SLC6A16: variants seen among roughly 807,000 people sequenced by gnomAD.
The protein encoded by SLC6A16 is solute carrier family 6 member 16.
A neutral mutation model predicts 65.4 loss-of-function variants in SLC6A16; 54 were observed. That is an observed-to-expected ratio of 0.83 (90% confidence interval 0.66 to 1.04). The LOEUF (loss-of-function observed/expected upper bound fraction) is 1.04, where lower values mean the gene tolerates loss of function less well. Ranked by LOEUF, SLC6A16 falls within the 50% of genes least tolerant of loss-of-function variation. SLC6A16 has a pLI of 0.00. For missense variants in SLC6A16, 816 were observed against 914.0 expected (o/e 0.89, Z 1.38); for synonymous variants, 330 against 346.5 (o/e 0.95, Z 0.53).
intron 7 of SLC6A16, among the ~76,000 whole-genome samples, chr19:49,306,697 C>G (rs985411130): frequency 2.0e-5 from 3 of 151,954 alleles, no homozygotes; most frequent in Non-Finnish European, 2.9e-5. Flanking sequence ...TGTGTGCCAC[C>G]ACGCCCGGCT....
chr19:49,340,047 C>T, the SLC6A16 span: 3 of 1,499,816 alleles, frequency 2.0e-6, no homozygotes, highest in South Asian at 3.9e-5. Flanking sequence ...AGCCTCTACC[C>T]CCACTTGTAG....
chr19:49,310,535 T>C (rs1171856282), intron 2 of SLC6A16, 25 bp from the exon 3 acceptor site: 1 of 1,613,734 alleles, frequency 6.2e-7, no homozygotes, highest in South Asian at 1.1e-5. Flanking sequence ...CAGAAGGGAC[T>C]CTGAGAACCA....
chr19:49,293,280 A>T lies in SLC6A16; in HGVS notation c.1721T>A (p.Ile574Asn). The change falls in exon 10 of 12, where the codon ATC (isoleucine) becomes AAC (asparagine). Residue 574 changes from isoleucine to asparagine, a missense_variant. Coordinates refer to ENST00000335875, the MANE Select transcript of SLC6A16 (RefSeq NM_014037.3). Reference protein sequence around the residue: ...LLSDYWIVFPIIVVVVFETMA... With the variant: ...LLSDYWIVFPNIVVVVFETMA... ...GGTTTCAAATACGACAACGACGATG[A>T]TGGGGAAGACTATCCAGTAGTCACT... The T allele has an allele frequency of 1.9e-6, 3 of 1,614,140 alleles. No homozygotes were observed. Among genetic ancestry groups the T allele is most frequent in the Non-Finnish European group, 2.5e-6 (3 of 1,180,010 alleles).
chr19:49,340,253 C>T, the SLC6A16 span: 4 of 1,612,996 alleles, frequency 2.5e-6, no homozygotes, highest in Admixed American at 5.0e-5. Flanking sequence ...CTCTATAGCT[C>T]GGGTTCATGA....
chr19:49,329,596 G>A (rs1346888685), upstream of SLC6A16, among the ~76,000 whole-genome samples: 1 of 149,386 alleles, frequency 6.7e-6, no homozygotes, highest in Non-Finnish European at 1.5e-5. Flanking sequence ...TAGGATACTA[G>A]CCTGGGCAAC....
In SLC6A16 at chr19:49,310,499, C is replaced by T. The variant is rs1397517095; in HGVS notation, c.427G>A (p.Ala143Thr). Residue 143 changes from alanine to threonine, a missense_variant, in exon 3 of 12, where the codon GCC becomes ACC. Transcript: ENST00000335875. ...WLNSGGCSFA[A>T]IYIFMLFLVG... ...AGGAACAGCATGAAGATGTAGATGG[C>T]AGCGAAACTGCCTGTGAAGAAGATT... 3.7e-6 allele frequency: 6 copies of T among 1,614,020 alleles called. No individual in the cohort carries two copies. The highest frequency in any genetic ancestry group is 5.1e-6 in the Non-Finnish European group (6 of 1,180,006).
Position 49,290,315 on chromosome 19 carries a change from G to T in SLC6A16, c.2019C>A (p.Pro673=). 1 of 1,614,076 alleles carries T rather than the reference G, an allele frequency of 6.2e-7. No homozygotes were observed. The highest frequency in any genetic ancestry group is 1.1e-5 in the South Asian group (1 of 91,068). ...MITLFAIVIL[P]IPAYFVYCRI... ...GGCAGTATACAAAGTATGCAGGGAT[G>T]GGGAGGATGACAATGGCAAAAAGGG... Residue 673 remains proline (P), a synonymous_variant, in exon 12 of 12, where the codon CCC becomes CCA. Transcript: ENST00000335875.
chr19:49,307,540 A>ACTT (rs1165171060), intron 7 of SLC6A16, among the ~76,000 whole-genome samples: 1 of 151,982 alleles, frequency 6.6e-6, no homozygotes, highest in Non-Finnish European at 1.5e-5. Flanking sequence ...GGTTAGGGTT[A>ACTT]CTAGGAGAGG....
rs1970146190 is a variant in SLC6A16 at position 49,294,461 on chromosome 19, A to G, written c.1322T>C (p.Ile441Thr). ...AAGGCCACTGAGCCAGGCATTGTAG[A>G]TGGAGGTTGGGTTGTAAAGCAGGTT... ...PVNLLYNPTS[I>T]YNAWLSGLPQ... The change falls in exon 8 of 12, where the codon ATC (isoleucine) becomes ACC (threonine). Residue 441 changes from isoleucine to threonine, a missense_variant. Ile to Thr is a moderately conservative substitution (Grantham distance 89, BLOSUM62 -1). Transcript: ENST00000335875. 6.2e-7 allele frequency: 1 copy of G among 1,614,048 alleles called. No individual in the cohort carries two copies.
At chr19:49,338,749 T>A in the SLC6A16 span, 2 of 1,613,424 alleles carry the variant, frequency 1.2e-6, no homozygotes, top group Non-Finnish European at 1.7e-6. This position sits in a 1 kb window ranked among gnomAD's most constrained non-coding sequence, Gnocchi z 5.0. Context: ...CAAGTCCTCA[T>A]CCTGAGAGGT....
chr19:49,326,669 C>G (rs572056022), upstream of SLC6A16, among the ~76,000 whole-genome samples: 17 of 152,186 alleles, frequency 1.1e-4, no homozygotes, highest in South Asian at 3.5e-3. Context: ...CTTCACACAA[C>G]AAGAAAACAG....
Position 49,308,368 on chromosome 19 carries a change from G to C in SLC6A16, c.1229+508C>G, listed in dbSNP as rs186538069. On this transcript the variant is annotated intron_variant, in intron 7 of 11. Coordinates refer to ENST00000335875, the MANE Select transcript of SLC6A16 (RefSeq NM_014037.3). The stretch of plus-strand genomic sequence containing the variant: ...CTCAGGAGGCTGAGGCAGGAGAATG[G>C]CTTGAACCCAGGAGGCAGAGCTTGC... 2.9e-3 allele frequency among the ~76,000 whole-genome samples: 437 copies of C among 152,260 alleles called. 1 individual carries two copies. Among genetic ancestry groups the C allele is most frequent in the African/African-American group, 0.01 (425 of 41,544 alleles).
At chr19:49,290,512 A>G in intron 11 of SLC6A16, 93 bp downstream of exon 11, 1 of 1,562,730 alleles carries the variant, frequency 6.4e-7, no homozygotes, top group South Asian at 1.1e-5. Context: ...TCGGGCAGTA[A>G]GAGAATGAGA....
chr19:49,313,091 A>AAAAAAAC (rs1970554283), intron 1 of SLC6A16, among the ~76,000 whole-genome samples: 1 of 151,362 alleles, frequency 6.6e-6, no homozygotes, highest in African/African-American at 2.4e-5. Flanking sequence ...AAAAAAAAAA[A>AAAAAAAC]AAAAGACGAT....
rs968707198 is a variant in SLC6A16, at chr19:49,308,949, A to G, written c.1156T>C (p.Leu386=). Residue 386 remains leucine, a synonymous_variant, in exon 7 of 12, where the codon TTG becomes CTG. Transcript: ENST00000335875. ...LVSVINLLTL[L]VFTSFNFCVL... is the part of the protein sequence containing the mutation. ...CAGAAGTTGAAAGATGTGAAAACCA[A>G]CAAAGTGAGCAGGTTTATCACAGAC... 6.2e-7 allele frequency: 1 copy of G among 1,614,168 alleles called. No homozygotes were observed. The highest frequency in any genetic ancestry group is 1.3e-5 in the African/African-American group (1 of 75,036).
intron 1 of SLC6A16, among the ~76,000 whole-genome samples, chr19:49,317,174 T>A (rs1305855712): frequency 2.7e-5 from 4 of 146,848 alleles, no homozygotes; most frequent in Non-Finnish European, 3.0e-5. Context: ...ACCCCATCTC[T>A]ACCAAAAAAT....
At chr19:49,337,397 G>A in the SLC6A16 span, among the ~76,000 whole-genome samples, 1 of 152,136 alleles carries the variant, frequency 6.6e-6, no homozygotes, top group Non-Finnish European at 1.5e-5. Flanking sequence ...CAGCACTTTG[G>A]GAGGCTGAGG....
chr19:49,332,518 A>G, the SLC6A16 span, among the ~76,000 whole-genome samples: 1 of 152,214 alleles, frequency 6.6e-6, no homozygotes, highest in Admixed American at 6.5e-5. Context: ...AGATCACACC[A>G]CAGCACTCCA....
chr19:49,340,031 C>G, the SLC6A16 span: 3 of 1,484,098 alleles, frequency 2.0e-6, no homozygotes, highest in South Asian at 1.3e-5. Flanking sequence ...GACCTTACTC[C>G]TTCTCAGCCT....
Sources: gnomAD v4.1 joint callset for allele counts (sites outside exome capture counted in the v4.1 genomes callset) on GRCh38, gnomAD v4.1.1 for gene constraint, Gnocchi (gnomAD v3.1) non-coding constraint, MANE v1.5 for transcripts, NCBI Gene and HGNC (gene_info 2026-07-23, HGNC 2026-07-21) for gene names.